PSMD7: variants seen among roughly 807,000 people sequenced by gnomAD.
PSMD7 encodes the protein 26S proteasome non-ATPase regulatory subunit 7.
In PSMD7, 13 loss-of-function variants were observed where a neutral mutation model predicts 36.4. The ratio of observed to expected loss-of-function variants is 0.36; its 90% CI spans 0.23 to 0.57. The LOEUF (loss-of-function observed/expected upper bound fraction) is 0.57, where lower values mean the gene tolerates loss of function less well. PSMD7 is among the 20% of genes least tolerant of loss of function. The pLI is 0.83. For missense variants in PSMD7, 298 were observed against 393.6 expected, an observed-to-expected ratio of 0.76 and a Z score of 2.06; for synonymous variants, 186 against 151.0, an observed-to-expected ratio of 1.23 and a Z score of -1.70.
chr16:74,302,052 T>TGATGA (rs1381048350), intron 4 of PSMD7, among the ~76,000 whole-genome samples, 160 bp from the exon 5 acceptor site: 1 of 152,192 alleles, frequency 6.6e-6, no homozygotes, highest in African/African-American at 2.4e-5. Flanking sequence ...GCAGAAGAAA[T>TGATGA]GATGAGATCA....
chr16:74,298,503 C>T (rs2034131671), intron 1 of PSMD7, among the ~76,000 whole-genome samples: 1 of 152,220 alleles, frequency 6.6e-6, no homozygotes, highest in Non-Finnish European at 1.5e-5. Context: ...AGAGGAATTA[C>T]TATTTTTCTC....
intron 1 of PSMD7, among the ~76,000 whole-genome samples, chr16:74,298,497 G>T (rs1331203584): frequency 6.6e-6 from 1 of 152,206 alleles, no homozygotes; most frequent in Non-Finnish European, 1.5e-5. Context: ...TACAGGAGAG[G>T]AATTACTATT....
intron 1 of PSMD7, 49 bp from the exon 2 acceptor site, chr16:74,300,066 A>G: frequency 1.3e-6 from 2 of 1,491,246 alleles, no homozygotes; most frequent in Admixed American, 1.7e-5. Context: ...TGTTGGGTTC[A>G]TGTTTCTGTG....
intron 6 of PSMD7, among the ~76,000 whole-genome samples, chr16:74,304,888 A>G (rs1413511192): frequency 6.6e-6 from 1 of 152,228 alleles, no homozygotes; most frequent in Non-Finnish European, 1.5e-5. Context: ...AAGCTTCTCA[A>G]TATTCTGGAG....
intron 6 of PSMD7, 38 bp downstream of exon 6, chr16:74,304,432 C>T (rs372018159): frequency 4.5e-6 from 7 of 1,559,690 alleles, no homozygotes; most frequent in East Asian, 2.2e-5. Context: ...ATTCACTGCC[C>T]GAGAGGTCAC....
chr16:74,298,246 T>C (rs982443671), intron 1 of PSMD7, among the ~76,000 whole-genome samples: 3 of 151,756 alleles, frequency 2.0e-5, no homozygotes, highest in African/African-American at 7.3e-5. Context: ...AGTAAGCTCA[T>C]TGTTTGAGGG....
At chr16:74,297,922 A>G (rs936358766) in intron 1 of PSMD7, among the ~76,000 whole-genome samples, 4 of 152,132 alleles carry the variant, frequency 2.6e-5, no homozygotes, top group Non-Finnish European at 5.9e-5. Flanking sequence ...TTAACCCATT[A>G]ACATTTTTAA....
chr16:74,300,295 A>G (rs2034145872), intron 2 of PSMD7, 89 bp downstream of exon 2: 5 of 1,178,478 alleles, frequency 4.2e-6, no homozygotes, highest in East Asian at 2.5e-5. Context: ...GCTTTTGACT[A>G]CAACCCAGAG....
intron 6 of PSMD7, chr16:74,305,019 T>C (rs1017044096): frequency 1.3e-5 from 5 of 396,078 alleles, no homozygotes; most frequent in Non-Finnish European, 1.7e-5. Flanking sequence ...AATTTTTTTT[T>C]CCTTAAGTGG....
chr16:74,302,032 G>C (rs1270256707), intron 4 of PSMD7, among the ~76,000 whole-genome samples, 180 bp from the exon 5 acceptor site: 1 of 151,932 alleles, frequency 6.6e-6, no homozygotes, highest in Non-Finnish European at 1.5e-5. Flanking sequence ...TTAATGAAGG[G>C]GATCGAAAAG....
chr16:74,304,365 T>C lies in PSMD7; in HGVS notation c.501T>C (p.Ala167=). The C allele has an allele frequency of 6.2e-7, 1 of 1,614,104 alleles. No individual in the cohort carries two copies. Among genetic ancestry groups the C allele is most frequent in the Non-Finnish European group, 8.5e-7 (1 of 1,179,958 alleles). Residue 167 remains alanine, a synonymous_variant, in exon 6 of 7, where the codon GCT becomes GCC. Coordinates refer to ENST00000219313, the MANE Select transcript of PSMD7 (RefSeq NM_002811.5). ...HVTSEIGAEE[A]EEVGVEHLLR... is the part of the protein sequence containing the mutation. Reference sequence around the variant, plus strand: ...CCAGTGAAATTGGAGCAGAGGAAGCTGAGGAAGTTGGAGTTGAACACTTGT... The same window carrying C: ...CCAGTGAAATTGGAGCAGAGGAAGCCGAGGAAGTTGGAGTTGAACACTTGT...
At chr16:74,297,802 C>T (rs553501981) in intron 1 of PSMD7, among the ~76,000 whole-genome samples, 1 of 151,188 alleles carries the variant, frequency 6.6e-6, no homozygotes, top group African/African-American at 2.4e-5. Flanking sequence ...TTGGCCCTGA[C>T]CCCCGCCCCC....
chr16:74,297,042 GCAC>G lies in PSMD7; in HGVS notation c.74+55_74+57del. 7 of 1,573,274 alleles carry G rather than the reference GCAC, an allele frequency of 4.4e-6. No homozygotes were observed. The South Asian group carries it at 8.0e-5, about 18-fold the overall frequency. On this transcript the variant is annotated intron_variant, in intron 1 of 6. Transcript: ENST00000219313. Reference sequence around the variant, plus strand: ...CGGCGCAGCCGCTGCTGAGTCACGGGCACGCTGGAGATGGCGCGGCGGCCGCGG... The same window carrying G: ...CGGCGCAGCCGCTGCTGAGTCACGGGGCTGGAGATGGCGCGGCGGCCGCGG...
intron 1 of PSMD7, among the ~76,000 whole-genome samples, chr16:74,297,644 G>C (rs1367493939): frequency 1.3e-5 from 2 of 151,994 alleles, no homozygotes; most frequent in African/African-American, 4.8e-5. Flanking sequence ...GTGCAGGGTG[G>C]CTACCTTCAT....
At chr16:74,304,699 C>T (rs934234766) in intron 6 of PSMD7, 1 of 231,264 alleles carries the variant, frequency 4.3e-6, no homozygotes, top group Admixed American at 5.2e-5. Flanking sequence ...TAAATGCAGG[C>T]CTGCACTCTC....
At chr16:74,301,934 GTC>G (rs1270058337) in intron 4 of PSMD7, among the ~76,000 whole-genome samples, 1 of 152,162 alleles carries the variant, frequency 6.6e-6, no homozygotes, top group African/African-American at 2.4e-5. Context: ...GGTTAGGAAG[GTC>G]TGGTAAGGGG....
In PSMD7 at chr16:74,301,667, T is replaced by C. The variant is rs1239170981; in HGVS notation, c.357+15T>C. ...GTCCTAATTCCGTAAGTGGTGTCTA[T>C]TTTTAAAACTCTTGAATGATTTTTT... On this transcript the variant is annotated intron_variant, in intron 4 of 6. Transcript: ENST00000219313. The C allele has an allele frequency of 6.3e-7, 1 of 1,590,962 alleles. No individual in the cohort carries two copies. Among genetic ancestry groups the C allele is most frequent in the Non-Finnish European group, 8.6e-7 (1 of 1,161,668 alleles).
rs2034191676 is a variant in PSMD7 at position 74,305,756 on chromosome 16, T to A, written c.*23T>A. On this transcript the variant is annotated 3_prime_UTR_variant, in exon 7 of 7. Coordinates refer to ENST00000219313, the MANE Select transcript of PSMD7 (RefSeq NM_002811.5). ...TAAAACATGTATTAAATAGCTTTTTTAATTTGTAAATTAAAATCTTACAAA... is the reference window on the plus strand; with the variant it reads ...TAAAACATGTATTAAATAGCTTTTTAAATTTGTAAATTAAAATCTTACAAA... 2 of 1,409,706 alleles carry A rather than the reference T, an allele frequency of 1.4e-6. No individual in the cohort carries two copies. The highest frequency in any genetic ancestry group is 1.4e-5 in the African/African-American group (1 of 69,322). The allele number at this position is 1,409,706 out of a possible 1,614,324, so 87.3% of individuals were successfully genotyped here.
rs11862939 is a variant in PSMD7 at position 74,298,985 on chromosome 16, G to A, written c.75-1130G>A. Among the ~76,000 whole-genome samples, 932 of 152,208 alleles carry A rather than the reference G, an allele frequency of 6.1e-3. 12 individuals carry two copies. The highest frequency in any genetic ancestry group is 0.021 in the African/African-American group (877 of 41,512). On this transcript the variant is annotated intron_variant, in intron 1 of 6. Coordinates refer to ENST00000219313, the MANE Select transcript of PSMD7 (RefSeq NM_002811.5). Reference sequence around the variant, plus strand: ...GCCCACGAGTATGGAAGTTTCCCTTGAAGTTGGAAATTCAATTTCCCCCTT... The same window carrying A: ...GCCCACGAGTATGGAAGTTTCCCTTAAAGTTGGAAATTCAATTTCCCCCTT...
Sources: gnomAD v4.1 joint callset for allele counts (sites outside exome capture counted in the v4.1 genomes callset) on GRCh38, gnomAD v4.1.1 for gene constraint, MANE v1.5 for transcripts, NCBI Gene and HGNC (gene_info 2026-07-23, HGNC 2026-07-21) for gene names.